Variants in TRIO observed in about 807,000 individuals in gnomAD.
TRIO encodes trio Rho guanine nucleotide exchange factor.
Under a neutral mutation model 351.9 loss-of-function variants are expected in TRIO, and 58 were observed. The observed-to-expected ratio is 0.16, with a 90% CI of 0.13 to 0.21. TRIO has a LOEUF of 0.21. Ranked by LOEUF, TRIO falls within the 10% of genes least tolerant of loss-of-function variation. The probability of loss-of-function intolerance (pLI) is 1.00; values close to 1 mark genes in which losing one functional copy is unlikely to be tolerated. For synonymous variants in TRIO, 1,758 were observed against 1,595.7 expected, an observed-to-expected ratio of 1.10 and a Z score of -2.42; for missense variants, 3,201 against 4,027.8, an observed-to-expected ratio of 0.79 and a Z score of 5.56.
chr5:14,477,708 A>G (rs958124817), intron 41 of TRIO, among the ~76,000 whole-genome samples: 5 of 152,156 alleles, frequency 3.3e-5, no homozygotes, highest in African/African-American at 7.2e-5. Flanking sequence ...ACATTGAACT[A>G]TTGGGCTTCG....
intron 1 of TRIO, among the ~76,000 whole-genome samples, chr5:14,201,812 C>A (rs1041647183): frequency 3.3e-5 from 5 of 151,932 alleles, no homozygotes; most frequent in Admixed American, 3.3e-4. Flanking sequence ...ATCTGGGCCC[C>A]AAGAAATAGG....
chr5:14,275,046 AACAC>A (rs1463052385), intron 2 of TRIO, among the ~76,000 whole-genome samples: 3 of 152,154 alleles, frequency 2.0e-5, no homozygotes, highest in Non-Finnish European at 4.4e-5. Flanking sequence ...TCTGGGGGAA[AACAC>A]ACACACGCAT....
In TRIO at chr5:14,149,675, G is replaced by T. The variant is rs187142088; in HGVS notation, c.157+5793G>T. On this transcript the variant is annotated intron_variant, in intron 1 of 56. Transcript: ENST00000344204. ...CCTCGTTTTGGTGATGAACATACTT[G>T]AGTTTTAGATTACTGGCTCTTTTCA... Among the ~76,000 whole-genome samples the T allele has an allele frequency of 3.5e-3, 530 of 152,266 alleles. 10 individuals carry two copies. The highest frequency in any genetic ancestry group is 1.2e-3 in the Non-Finnish European group (81 of 68,018).
intron 19 of TRIO, among the ~76,000 whole-genome samples, chr5:14,375,646 C>CA (rs1745486871): frequency 6.6e-6 from 1 of 152,084 alleles, no homozygotes; most frequent in African/African-American, 2.4e-5. Flanking sequence ...AAGGCACAGG[C>CA]AAGGAGGAGT....
At chr5:14,237,445 G>A (rs1475344115) in intron 1 of TRIO, among the ~76,000 whole-genome samples, 5 of 152,304 alleles carry the variant, frequency 3.3e-5, no homozygotes, top group African/African-American at 7.2e-5. Flanking sequence ...GATGGGGCCC[G>A]TAAGAAATGG....
Position 14,404,050 on chromosome 5 carries a change from TGTG to T in TRIO, c.4717-1794_4717-1792del, listed in dbSNP as rs538990894. 1.4e-3 allele frequency among the ~76,000 whole-genome samples: 114 copies of T among 80,038 alleles called. 1 individual carries two copies. The highest frequency in any genetic ancestry group is 2.3e-3 in the Admixed American group (21 of 8,988). The allele number at this position is 80,038 out of a possible 152,430, so 52.5% of individuals were successfully genotyped here. A position where few individuals can be genotyped will look rare whatever the true frequency, so the allele number is the denominator to read the frequency against. ...AGGTTGTGGTGGTGAGGGTGTAGGT[TGTG>T]GTGAGGGTGCAGCTTGTGAGGGTGC... On this transcript the variant is annotated intron_variant, in intron 31 of 56. Coordinates refer to ENST00000344204, the MANE Select transcript of TRIO (RefSeq NM_007118.4).
intron 47 of TRIO, 139 bp downstream of exon 47, chr5:14,485,385 T>C (rs1165025472): frequency 1.1e-6 from 1 of 893,778 alleles, no homozygotes; most frequent in Non-Finnish European, 1.5e-6. Flanking sequence ...TAGATATTGC[T>C]TTATTTCATC....
intron 26 of TRIO, among the ~76,000 whole-genome samples, chr5:14,390,676 A>G (rs1191334078): frequency 1.3e-5 from 2 of 152,140 alleles, no homozygotes; most frequent in Admixed American, 6.5e-5. Flanking sequence ...CTGTGGAAAG[A>G]GAGGACTGGT....
At chr5:14,351,753 A>G (rs1743145758) in intron 11 of TRIO, among the ~76,000 whole-genome samples, 1 of 151,954 alleles carries the variant, frequency 6.6e-6, no homozygotes. Context: ...TCCATACCCC[A>G]CCTCCAGACG....
intron 9 of TRIO, among the ~76,000 whole-genome samples, chr5:14,324,925 C>T (rs959463377): frequency 6.6e-6 from 1 of 152,174 alleles, no homozygotes; most frequent in Non-Finnish European, 1.5e-5. Flanking sequence ...TAAGTACCCT[C>T]AGGTTAGGTT....
At chr5:14,480,780 A>C (rs1337223836) in intron 43 of TRIO, among the ~76,000 whole-genome samples, 1 of 152,178 alleles carries the variant, frequency 6.6e-6, no homozygotes, top group African/African-American at 2.4e-5. Flanking sequence ...TACTGAGAGA[A>C]TAATATGATA....
At chr5:14,358,799 G>A (rs1743868828) in intron 12 of TRIO, among the ~76,000 whole-genome samples, 1 of 152,152 alleles carries the variant, frequency 6.6e-6, no homozygotes, top group African/African-American at 2.4e-5. Context: ...AGGATATGGA[G>A]GCAGAGCCAG....
chr5:14,385,073 C>T (rs1466209489), intron 21 of TRIO, among the ~76,000 whole-genome samples: 3 of 152,172 alleles, frequency 2.0e-5, no homozygotes, highest in African/African-American at 7.2e-5. Flanking sequence ...GTGGATTAGC[C>T]GAGATCAAAA....
intron 21 of TRIO, among the ~76,000 whole-genome samples, chr5:14,382,507 C>T (rs1225232569): frequency 6.6e-6 from 1 of 152,086 alleles, no homozygotes; most frequent in African/African-American, 2.4e-5. Context: ...GCAAGAAGAC[C>T]CGGCCCAGGG....
chr5:14,288,275 C>T (rs549728967), intron 4 of TRIO, among the ~76,000 whole-genome samples: 2 of 152,284 alleles, frequency 1.3e-5, no homozygotes, highest in South Asian at 4.1e-4. Context: ...TTTGATCTCT[C>T]CCTCAGGGCT....
At position 14,364,077 on chromosome 5, in the gene TRIO, T is replaced by G. The variant is rs1744388857; in HGVS notation, c.2587+150T>G. 5.5e-5 allele frequency: 39 copies of G among 706,404 alleles called. No homozygotes were observed. The South Asian group carries it at 9.1e-4, about 16-fold the overall frequency. 43.8% of individuals were successfully genotyped at this position (706,404 alleles called of 1,614,324 possible). On this transcript the variant is annotated intron_variant, in intron 14 of 56. Transcript: ENST00000344204. ...GTTCTTTAAAAGAACGTTTGCATTT[T>G]TATGTAATACAGTCACATTTAACAT...
intron 48 of TRIO, chr5:14,490,768 C>CT (rs1350407847): frequency 1.1e-5 from 5 of 455,410 alleles, no homozygotes; most frequent in African/African-American, 2.0e-5. Flanking sequence ...GCAAAATACT[C>CT]TAATTATGAG....
intron 33 of TRIO, among the ~76,000 whole-genome samples, chr5:14,407,152 T>C (rs937844359): frequency 7.2e-5 from 11 of 151,908 alleles, no homozygotes; most frequent in African/African-American, 2.7e-4. Flanking sequence ...AGGGAGCATG[T>C]GGGGAGAGAG....
chr5:14,146,432 A>G lies in TRIO; in HGVS notation c.157+2550A>G, dbSNP rs1427022294. Among the ~76,000 whole-genome samples, 3 of 152,140 alleles carry G rather than the reference A, an allele frequency of 2.0e-5. No homozygotes were observed. In the East Asian group the frequency reaches 5.8e-4, roughly 29 times the overall value. The stretch of plus-strand genomic sequence containing the variant: ...TTCTCAGCCCTGAAACTCTGTTTGC[A>G]TGGCTGCCTGATTTTCTTTCTTTTT... On this transcript the variant is annotated intron_variant, in intron 1 of 56. Coordinates refer to ENST00000344204, the MANE Select transcript of TRIO (RefSeq NM_007118.4).
Sources: gnomAD v4.1 joint callset for allele counts (sites outside exome capture counted in the v4.1 genomes callset) on GRCh38, gnomAD v4.1.1 for gene constraint, MANE v1.5 for transcripts, NCBI Gene and HGNC (gene_info 2026-07-23, HGNC 2026-07-21) for gene names.